TMEM131L: variants seen among roughly 807,000 people sequenced by gnomAD.
TMEM131L encodes transmembrane 131 like.
Under a neutral mutation model 192.2 loss-of-function variants are expected in TMEM131L, and 54 were observed. The ratio of observed to expected loss-of-function variants is 0.28; its 90% CI spans 0.23 to 0.35. TMEM131L has a LOEUF of 0.35. TMEM131L is among the 10% of genes least tolerant of loss of function. The pLI, the probability that TMEM131L is intolerant of heterozygous loss-of-function variation, is 1.00. For synonymous variants in TMEM131L, 701 were observed against 704.9 expected (o/e 0.99, Z 0.09); for missense variants, 1,888 against 1,972.9 (o/e 0.96, Z 0.82).
At chr4:153,556,469 TTTTA>T (rs1484255214) in intron 5 of TMEM131L, among the ~76,000 whole-genome samples, 4 of 151,998 alleles carry the variant, frequency 2.6e-5, no homozygotes, top group Non-Finnish European at 4.4e-5. Context: ...GCTAGTAGGC[TTTTA>T]TTTATTTTGC....
Position 153,466,445 on chromosome 4 carries a change from G to T in TMEM131L, c.48G>T (p.Ala16=). 1.4e-6 allele frequency: 2 copies of T among 1,412,268 alleles called. No homozygotes were observed. Among genetic ancestry groups the T allele is most frequent in the Non-Finnish European group, 1.9e-6 (2 of 1,075,808 alleles). The allele number at this position is 1,412,268 out of a possible 1,614,324, so 87.5% of individuals were successfully genotyped here. A position where few individuals can be genotyped will look rare whatever the true frequency, so the allele number is the denominator to read the frequency against. ...RPQPGCYCRT[A]AAVNLLLGVF... ...AGCCCGGCTGCTACTGCCGCACCGC[G>T]GCGGCCGTGAACCTCCTGCTGGGCG... Residue 16 remains alanine, a synonymous_variant, in exon 1 of 35, where the codon GCG becomes GCT. Transcript: ENST00000409959.
Position 153,636,504 on chromosome 4 carries a change from A to G in TMEM131L, c.4761A>G (p.Ile1587Met). The part of the protein sequence containing the change: ...NPFRAYMNLD[I>M]WTTTANRNAN... Reference sequence around the variant, plus strand: ...TTCGCGCCTATATGAACCTGGACATATGGACTACCACAGCGAATAGGAATG... The same window carrying G: ...TTCGCGCCTATATGAACCTGGACATGTGGACTACCACAGCGAATAGGAATG... The change falls in exon 35 of 35, where the codon ATA becomes ATG. Residue 1587 changes from isoleucine (I) to methionine (M), a missense_variant. Ile to Met is a conservative substitution (Grantham distance 10). Transcript: ENST00000409959. 6.2e-7 allele frequency: 1 copy of G among 1,614,218 alleles called. No individual in the cohort carries two copies. The highest frequency in any genetic ancestry group is 8.5e-7 in the Non-Finnish European group (1 of 1,180,028).
intron 7 of TMEM131L, among the ~76,000 whole-genome samples, chr4:153,570,481 A>G (rs2150603245): frequency 6.6e-6 from 1 of 152,282 alleles, no homozygotes; most frequent in South Asian, 2.1e-4. Flanking sequence ...CCACCTGTGC[A>G]TACCACTGCT....
Position 153,467,125 on chromosome 4 carries a change from G to C in TMEM131L, c.125-86G>C, listed in dbSNP as rs147281151. The C allele has an allele frequency of 7.2e-3, 9,273 of 1,296,458 alleles. 78 individuals are homozygous for C. The highest frequency in any genetic ancestry group is 0.021 in the South Asian group (1,608 of 78,372). 80.3% of individuals were successfully genotyped at this position (1,296,458 alleles called of 1,614,324 possible). A position where few individuals can be genotyped will look rare whatever the true frequency, so the allele number is the denominator to read the frequency against. ...AAAAGAGACGTGTTTTGGTGAGGCG[G>C]GGGGCACGGAGGGACGGTAGGGGAA... On this transcript the variant is annotated intron_variant, in intron 1 of 34. Coordinates refer to ENST00000409959, the MANE Select transcript of TMEM131L (RefSeq NM_001131007.2).
Position 153,577,147 on chromosome 4 carries a change from C to T in TMEM131L, c.661-3679C>T, listed in dbSNP as rs150814013. 8.5e-4 allele frequency among the ~76,000 whole-genome samples: 129 copies of T among 151,938 alleles called. No individual in the cohort carries two copies. In the South Asian group the frequency reaches 0.01, roughly 12 times the overall value. On this transcript the variant is annotated intron_variant, in intron 7 of 34. Transcript: ENST00000409959. Reference sequence around the variant, plus strand: ...GAGGAGTGGGTGCAAGGCAAAGGGACAGAAAATTCAAAGGTGTTGAGGCAA... The same window carrying T: ...GAGGAGTGGGTGCAAGGCAAAGGGATAGAAAATTCAAAGGTGTTGAGGCAA...
intron 3 of TMEM131L, among the ~76,000 whole-genome samples, chr4:153,484,991 C>A (rs1384120479): frequency 6.7e-6 from 1 of 149,468 alleles, no homozygotes; most frequent in African/African-American, 2.5e-5. Flanking sequence ...TGGTGGCGGG[C>A]GCCTGTAGTC....
At chr4:153,616,229 G>A (rs766690370) in intron 26 of TMEM131L, among the ~76,000 whole-genome samples, 2 of 152,182 alleles carry the variant, frequency 1.3e-5, no homozygotes, top group African/African-American at 2.4e-5. Flanking sequence ...AGTCAACCAA[G>A]GTGGATTCTC....
At chr4:153,585,328 G>C (rs1244709325) in intron 12 of TMEM131L, 130 bp from the exon 13 acceptor site, 1 of 928,730 alleles carries the variant, frequency 1.1e-6, no homozygotes, top group African/African-American at 1.7e-5. Context: ...GATTGCCGAG[G>C]TTGTCTCTGG....
At chr4:153,556,467 G>C (rs1195318472) in intron 5 of TMEM131L, among the ~76,000 whole-genome samples, 1 of 151,912 alleles carries the variant, frequency 6.6e-6, no homozygotes, top group Non-Finnish European at 1.5e-5. Context: ...TTGCTAGTAG[G>C]CTTTTATTTA....
At chr4:153,623,431 G>C (rs1386039085) in intron 29 of TMEM131L, among the ~76,000 whole-genome samples, 1 of 152,184 alleles carries the variant, frequency 6.6e-6, no homozygotes, top group Non-Finnish European at 1.5e-5. Context: ...ACATTGTGCA[G>C]CCATCACAAC....
At chr4:153,490,087 T>G (rs115653069) in intron 3 of TMEM131L, among the ~76,000 whole-genome samples, 1,608 of 152,134 alleles carry the variant, frequency 0.011, 25 homozygotes, top group African/African-American at 0.037. Context: ...CATAGATGAG[T>G]CTCTTCCTGC....
chr4:153,480,195 T>C lies in TMEM131L; in HGVS notation c.239+6307T>C, dbSNP rs560430652. 8.5e-5 allele frequency among the ~76,000 whole-genome samples: 13 copies of C among 152,160 alleles called. No individual in the cohort carries two copies. In the South Asian group the frequency reaches 1.5e-3, roughly 17 times the overall value. ...TCTACTAAAAATATAAAAAATTAGC[T>C]GGGCGTGGTGGCGGACGCCTGTAGT... On this transcript the variant is annotated intron_variant, in intron 3 of 34. Coordinates refer to ENST00000409959, the MANE Select transcript of TMEM131L (RefSeq NM_001131007.2).
intron 18 of TMEM131L, among the ~76,000 whole-genome samples, chr4:153,593,323 G>A (rs1050350159): frequency 6.6e-6 from 1 of 151,842 alleles, no homozygotes; most frequent in South Asian, 2.1e-4. Flanking sequence ...GTGGGGGTGG[G>A]AGGAGCCATC....
chr4:153,619,652 A>G (rs949577699), intron 26 of TMEM131L, among the ~76,000 whole-genome samples: 1 of 152,230 alleles, frequency 6.6e-6, no homozygotes, highest in African/African-American at 2.4e-5. Context: ...AAGGGTTCTA[A>G]TATCTCAGAC....
At chr4:153,629,594 G>C (rs1024682580) in intron 31 of TMEM131L, among the ~76,000 whole-genome samples, 1 of 152,186 alleles carries the variant, frequency 6.6e-6, no homozygotes, top group Non-Finnish European at 1.5e-5. Flanking sequence ...AATTATGTGA[G>C]TTGCCCATTC....
chr4:153,482,997 T>TA (rs1473143412), intron 3 of TMEM131L, among the ~76,000 whole-genome samples: 1 of 152,182 alleles, frequency 6.6e-6, no homozygotes, highest in Non-Finnish European at 1.5e-5. Context: ...TTTGAACCTT[T>TA]AATAATTCCA....
intron 26 of TMEM131L, among the ~76,000 whole-genome samples, chr4:153,617,688 G>A (rs1733086902): frequency 6.6e-6 from 1 of 152,158 alleles, no homozygotes; most frequent in Non-Finnish European, 1.5e-5. Context: ...ACACTTCAGA[G>A]GCAGACACAG....
chr4:153,585,999 G>A (rs183732393), intron 13 of TMEM131L, among the ~76,000 whole-genome samples: 7 of 152,192 alleles, frequency 4.6e-5, no homozygotes, highest in Admixed American at 2.6e-4. Context: ...GAAATTTCAA[G>A]ATTACTTTTG....
chr4:153,475,761 A>G (rs541047983), intron 3 of TMEM131L, among the ~76,000 whole-genome samples: 12 of 152,338 alleles, frequency 7.9e-5, no homozygotes, highest in African/African-American at 1.2e-4. Context: ...AACTATTTAC[A>G]TAGCATTCAC....
Sources: gnomAD v4.1 joint callset for allele counts (sites outside exome capture counted in the v4.1 genomes callset) on GRCh38, gnomAD v4.1.1 for gene constraint, MANE v1.5 for transcripts, NCBI Gene and HGNC (gene_info 2026-07-23, HGNC 2026-07-21) for gene names.